The following BTBD8 variants were observed in gnomAD, a reference collection of about 807,000 sequenced individuals.
The protein encoded by BTBD8 is BTB/POZ domain-containing protein 8.
BTBD8 carries 110 observed loss-of-function variants against 162.9 expected under a neutral mutation model. The ratio of observed to expected loss-of-function variants is 0.68; its 90% CI spans 0.58 to 0.79. BTBD8 has a LOEUF of 0.79. Ranked by LOEUF, BTBD8 falls within the 30% of genes least tolerant of loss-of-function variation. BTBD8 has a pLI of 0.00. For synonymous variants in BTBD8, 667 were observed against 716.1 expected (o/e 0.93, Z 1.10); for missense variants, 1,905 against 2,085.4 (o/e 0.91, Z 1.68).
intron 5 of BTBD8, 37 bp from the exon 6 acceptor site, chr1:92,139,313 C>A (rs768521532): frequency 1.3e-6 from 2 of 1,540,474 alleles, no homozygotes; most frequent in East Asian, 2.4e-5. Context: ...ATCAGTTAAA[C>A]CTTAATTCTG....
intron 16 of BTBD8, among the ~76,000 whole-genome samples, 170 bp downstream of exon 16, chr1:92,178,621 G>T (rs934682351): frequency 1.3e-5 from 2 of 152,230 alleles, no homozygotes; most frequent in Admixed American, 1.3e-4. Flanking sequence ...TTTCAGACAG[G>T]TGTTTTGGGA....
intron 2 of BTBD8, among the ~76,000 whole-genome samples, chr1:92,092,799 G>C (rs771730378): frequency 7.9e-5 from 12 of 152,046 alleles, no homozygotes; most frequent in Non-Finnish European, 1.8e-4. Context: ...GAAACTTCTG[G>C]GATATCTGTC....
intron 5 of BTBD8, 86 bp from the exon 6 acceptor site, chr1:92,139,264 T>A: frequency 3.6e-6 from 5 of 1,397,276 alleles, no homozygotes; most frequent in Non-Finnish European, 4.8e-6. Flanking sequence ...AACATCATCT[T>A]GGCTCGAAGT....
chr1:92,112,284 G>C (rs946751951), intron 4 of BTBD8, among the ~76,000 whole-genome samples: 45 of 152,078 alleles, frequency 3.0e-4, no homozygotes, highest in African/African-American at 1.0e-3. Flanking sequence ...TGCACCTGTA[G>C]TCTCAGCTAA....
In BTBD8 at chr1:92,181,373, A is replaced by G. The variant is rs767628049; in HGVS notation, c.3690A>G (p.Pro1230=). The G allele has an allele frequency of 1.0e-5, 16 of 1,551,530 alleles. No individual in the cohort carries two copies. In the African/African-American group the frequency reaches 1.9e-4, roughly 19 times the overall value. Residue 1230 remains proline (P), a synonymous_variant, in exon 17 of 18, where the codon CCA becomes CCG. Coordinates refer to ENST00000636805, the MANE Select transcript of BTBD8 (RefSeq NM_001376131.1). ...SPESHETPET[P]FVGHWNLSTG... ...AGAGCCATGAAACTCCAGAAACTCC[A>G]TTTGTGGGTCACTGGAATTTGAGTA... is the stretch of plus-strand genomic sequence containing the variant.
rs536390010 is a variant in BTBD8 at position 92,126,873 on chromosome 1, C to A, written c.663-2814C>A. Among the ~76,000 whole-genome samples the A allele has an allele frequency of 3.8e-4, 58 of 152,182 alleles. 1 individual carries two copies. Among genetic ancestry groups the A allele is most frequent in the African/African-American group, 1.3e-3 (56 of 41,520 alleles). ...GACTGTGGCTATATATGCTGTATTTCTTTACAGAATAAATGATTTCTCATT... is the reference window on the plus strand; with the variant it reads ...GACTGTGGCTATATATGCTGTATTTATTTACAGAATAAATGATTTCTCATT... On this transcript the variant is annotated intron_variant, in intron 4 of 17. Transcript: ENST00000636805.
At chr1:92,138,377 C>T (rs1649683968) in intron 5 of BTBD8, among the ~76,000 whole-genome samples, 2 of 152,204 alleles carry the variant, frequency 1.3e-5, no homozygotes, top group South Asian at 4.1e-4. Context: ...GTCACTATCT[C>T]TCATAAAATG....
intron 4 of BTBD8, chr1:92,115,452 C>T (rs1487728215): frequency 8.3e-6 from 4 of 484,766 alleles, no homozygotes; most frequent in Non-Finnish European, 1.6e-5. Flanking sequence ...GGTAATGACC[C>T]TTTTGGCTCC....
intron 7 of BTBD8, among the ~76,000 whole-genome samples, chr1:92,144,300 G>T (rs1398757627): frequency 6.6e-6 from 1 of 151,524 alleles, no homozygotes; most frequent in Non-Finnish European, 1.5e-5. Context: ...CAATTTTTTG[G>T]CTGTGACTTA....
At chr1:92,125,427 A>C (rs770413532) in intron 4 of BTBD8, 22 of 294,628 alleles carry the variant, frequency 7.5e-5, no homozygotes, top group Admixed American at 1.7e-4. Context: ...TGTACTGCTC[A>C]ACCCGAGGGA....
intron 13 of BTBD8, among the ~76,000 whole-genome samples, chr1:92,174,915 CAT>C (rs1427709088): frequency 6.4e-4 from 97 of 152,244 alleles, no homozygotes; most frequent in Admixed American, 6.1e-3. Context: ...CACCCACATT[CAT>C]ATATGTTATT....
intron 3 of BTBD8, among the ~76,000 whole-genome samples, chr1:92,106,660 C>CAAA (rs60676530): frequency 0.14 from 1,361 of 9,956 alleles, 599 homozygotes; most frequent in Non-Finnish European, 0.18. Context: ...GACTCTGTCT[C>CAAA]AAAAAAAAAA....
At chr1:92,178,596 T>C (rs1650791577) in intron 16 of BTBD8, 145 bp downstream of exon 16, 4 of 679,338 alleles carry the variant, frequency 5.9e-6, no homozygotes, top group Non-Finnish European at 9.7e-6. Flanking sequence ...AGAGATGAGA[T>C]TGTAAACTTT....
chr1:92,184,525 T>G lies in BTBD8; in HGVS notation c.*195T>G. The G allele has an allele frequency of 2.4e-6, 1 of 410,312 alleles. No individual in the cohort carries two copies. The highest frequency in any genetic ancestry group is 4.3e-6 in the Non-Finnish European group (1 of 232,794). The allele number at this position is 410,312 out of a possible 1,614,324, so 25.4% of individuals were successfully genotyped here. A position where few individuals can be genotyped will look rare whatever the true frequency, so the allele number is the denominator to read the frequency against. On this transcript the variant is annotated 3_prime_UTR_variant, in exon 18 of 18. Coordinates refer to ENST00000636805, the MANE Select transcript of BTBD8 (RefSeq NM_001376131.1). ...TTTTCTAAAGTTTTTGAGCATGTTT[T>G]CTCTAATTATTAGAGAAATTAGAAG...
chr1:92,095,850 C>T (rs915919810), intron 2 of BTBD8, among the ~76,000 whole-genome samples: 13 of 152,304 alleles, frequency 8.5e-5, no homozygotes, highest in South Asian at 2.1e-4. Context: ...TACAGCCCCC[C>T]GTCATCTTGA....
chr1:92,135,846 A>G (rs1351155250), intron 5 of BTBD8, among the ~76,000 whole-genome samples: 1 of 152,162 alleles, frequency 6.6e-6, no homozygotes, highest in Non-Finnish European at 1.5e-5. Flanking sequence ...AGTATTTTTT[A>G]AGAAACTATT....
At chr1:92,177,780 C>T (rs1650764427) in intron 14 of BTBD8, 31 bp from the exon 15 acceptor site, 1 of 1,243,304 alleles carries the variant, frequency 8.0e-7, no homozygotes, top group Non-Finnish European at 1.2e-6. Context: ...AATGTATTCT[C>T]TCTTATGACT....
chr1:92,156,956 T>TC (rs1376294253), intron 9 of BTBD8, among the ~76,000 whole-genome samples: 3 of 151,942 alleles, frequency 2.0e-5, no homozygotes, highest in Non-Finnish European at 4.4e-5. Flanking sequence ...TTTTTTTTTT[T>TC]CGTTGGTTTG....
In BTBD8 at chr1:92,129,499, C is replaced by CA. The variant is rs371452583; in HGVS notation, c.663-178dup. On this transcript the variant is annotated intron_variant, in intron 4 of 17. Transcript: ENST00000636805. ...AGATCCTGTCTCTTAAAACAAAAAA[C>CA]AAAAAAAAAACCCTTAGGTATAAAT... Among the ~76,000 whole-genome samples, 519 of 141,468 alleles carry CA rather than the reference C, an allele frequency of 3.7e-3. 4 individuals carry two copies. The highest frequency in any genetic ancestry group is 0.012 in the African/African-American group (444 of 38,486). 92.8% of individuals were successfully genotyped at this position (141,468 alleles called of 152,430 possible). A position where few individuals can be genotyped will look rare whatever the true frequency, so the allele number is the denominator to read the frequency against.
Sources: allele counts gnomAD v4.1 joint callset (sites outside exome capture counted in the v4.1 genomes callset), GRCh38; gene constraint gnomAD v4.1.1; transcripts MANE v1.5; gene names NCBI Gene and HGNC (gene_info 2026-07-23, HGNC 2026-07-21).